DLX4: variants seen among roughly 807,000 people sequenced by gnomAD.
DLX4 encodes distal-less homeobox 4.
Under a neutral mutation model 17.1 loss-of-function variants are expected in DLX4, and 13 were observed. The observed-to-expected ratio is 0.76, with a 90% CI of 0.49 to 1.21. DLX4 has a LOEUF of 1.21. Among genes scored for constraint, DLX4 ranks in the 50% most tolerant of loss-of-function variants. The pLI is 0.00. For missense variants in DLX4, 297 were observed against 301.4 expected (o/e 0.99, Z 0.11); for synonymous variants, 129 against 140.3 (o/e 0.92, Z 0.57).
chr17:49,969,858 C>T, intron 1 of DLX4, 107 bp downstream of exon 1: 3 of 691,558 alleles, frequency 4.3e-6, no homozygotes, highest in Non-Finnish European at 5.7e-6. Context: ...TCAAACCTTC[C>T]TTGGATTCCC....
Position 49,973,155 on chromosome 17 carries a change from C to T in DLX4, c.366C>T (p.Thr122=). ...APAKKLRKPR[T]IYSSLQLQHL... ...CCAAAAAGCTCCGCAAGCCGAGGAC[C>T]ATCTACTCCAGCCTGCAGCTGCAGC... The change falls in exon 2 of 3, where the codon ACC becomes ACT. Residue 122 remains threonine (T), a synonymous_variant. Coordinates refer to ENST00000240306, the MANE Select transcript of DLX4 (RefSeq NM_138281.3). The T allele has an allele frequency of 6.2e-7, 1 of 1,614,216 alleles. No individual in the cohort carries two copies. The highest frequency in any genetic ancestry group is 8.5e-7 in the Non-Finnish European group (1 of 1,180,042).
Position 49,972,984 on chromosome 17 carries a change from C to CT in DLX4, c.284-89_284-88insT. Reference sequence around the variant, plus strand: ...TTTGCTATTTGCTGCCGACGGCATGCAGACGAGATGCAAATAAGCTTATGA... The same window carrying CT: ...TTTGCTATTTGCTGCCGACGGCATGCTAGACGAGATGCAAATAAGCTTATGA... On this transcript the variant is annotated intron_variant, in intron 1 of 2. Transcript: ENST00000240306. This position sits in a 1 kb window ranked among gnomAD's most constrained non-coding sequence, Gnocchi z 5.4. 1 of 1,543,660 alleles carries CT rather than the reference C, an allele frequency of 6.5e-7. No individual in the cohort carries two copies. Among genetic ancestry groups the CT allele is most frequent in the Non-Finnish European group, 8.8e-7 (1 of 1,140,746 alleles).
chr17:49,973,450 A>G (rs1305316706), intron 2 of DLX4, 181 bp downstream of exon 2: 1 of 1,095,840 alleles, frequency 9.1e-7, no homozygotes, highest in African/African-American at 1.6e-5. Context: ...AAAGGTGTGC[A>G]TGTATGTGCG....
chr17:49,970,717 T>A (rs1037153411), intron 1 of DLX4, among the ~76,000 whole-genome samples: 3 of 152,170 alleles, frequency 2.0e-5, no homozygotes, highest in Non-Finnish European at 2.9e-5. Context: ...CCCCTCCTCC[T>A]GCAATTGTCT....
chr17:49,971,500 C>G (rs1905502811), intron 1 of DLX4, among the ~76,000 whole-genome samples: 1 of 152,130 alleles, frequency 6.6e-6, no homozygotes, highest in Non-Finnish European at 1.5e-5. Context: ...GATCGCGACC[C>G]GGGCAGATCT....
rs1050532650 is a variant in DLX4, at chr17:49,974,180, C to T, written c.*237C>T. 11 of 379,408 alleles carry T rather than the reference C, an allele frequency of 2.9e-5. No individual in the cohort carries two copies. Among genetic ancestry groups the T allele is most frequent in the Non-Finnish European group, 3.6e-5 (8 of 219,280 alleles). The allele number at this position is 379,408 out of a possible 1,614,324, so 23.5% of individuals were successfully genotyped here. A position where few individuals can be genotyped will look rare whatever the true frequency, so the allele number is the denominator to read the frequency against. On this transcript the variant is annotated 3_prime_UTR_variant, in exon 3 of 3. Transcript: ENST00000240306. ...CCCCACCACTACCATGGACTGGACACCTTCACTCCAGCTGGACAAAGACTC... is the reference window on the plus strand; with the variant it reads ...CCCCACCACTACCATGGACTGGACATCTTCACTCCAGCTGGACAAAGACTC...
chr17:49,971,557 G>A lies in DLX4; in HGVS notation c.284-1516G>A, dbSNP rs77332298. ...TAGGGAAAGGCAGCTGTCCGGGAAG[G>A]AACTTGGAGGGGGTCTGCTGGGAGA... is the stretch of plus-strand genomic sequence containing the variant. On this transcript the variant is annotated intron_variant, in intron 1 of 2. Coordinates refer to ENST00000240306, the MANE Select transcript of DLX4 (RefSeq NM_138281.3). Among the ~76,000 whole-genome samples, 917 of 152,076 alleles carry A rather than the reference G, an allele frequency of 6.0e-3. 5 individuals are homozygous for A. The highest frequency in any genetic ancestry group is 0.019 in the African/African-American group (788 of 41,490).
chr17:49,974,138 C>T lies in DLX4; in HGVS notation c.*195C>T. On this transcript the variant is annotated 3_prime_UTR_variant, in exon 3 of 3. Coordinates refer to ENST00000240306, the MANE Select transcript of DLX4 (RefSeq NM_138281.3). Reference sequence around the variant, plus strand: ...CTAACAGCTAAATCAAGGACCTCAGCCTTATATAATCATTGTCCCCACCAC... The same window carrying T: ...CTAACAGCTAAATCAAGGACCTCAGTCTTATATAATCATTGTCCCCACCAC... The T allele has an allele frequency of 1.7e-6, 1 of 589,890 alleles. No homozygotes were observed. The highest frequency in any genetic ancestry group is 3.5e-5 in the South Asian group (1 of 28,784). The allele number at this position is 589,890 out of a possible 1,614,324, so 36.5% of individuals were successfully genotyped here.
rs1048145603 is a variant in DLX4, at chr17:49,973,157, T to C, written c.368T>C (p.Ile123Thr). 2.5e-6 allele frequency: 4 copies of C among 1,613,960 alleles called. No homozygotes were observed. Among genetic ancestry groups the C allele is most frequent in the Admixed American group, 3.3e-5 (2 of 59,994 alleles). ...PAKKLRKPRT[I>T]YSSLQLQHLN... ...AAAAAGCTCCGCAAGCCGAGGACCA[T>C]CTACTCCAGCCTGCAGCTGCAGCAC... The change falls in exon 2 of 3, where the codon ATC becomes ACC. Residue 123 changes from isoleucine to threonine, a missense_variant. By Grantham distance (89) the Ile-to-Thr change is moderately conservative. Transcript: ENST00000240306.
At position 49,973,767 on chromosome 17, in the gene DLX4, C is replaced by T; in HGVS notation, c.547C>T (p.Gln183Ter). 6.4e-7 allele frequency: 1 copy of T among 1,560,446 alleles called. No homozygotes were observed. ...GCTCCTGAAGCAGAATTCTGGGGGG[C>T]AGGAAGGGGACTTCCCTGGGAGGAC... ...KKLLKQNSGG[Q>*]EGDFPGRTFS... Residue 183 changes from glutamine to a stop codon, truncating the protein, a stop_gained, in exon 3 of 3, where the codon CAG becomes TAG. Transcript: ENST00000240306. LOFTEE classifies it low-confidence loss of function (END_TRUNC).
In DLX4 at chr17:49,969,371, GC is replaced by G. The variant is rs1421383758; in HGVS notation, c.-95del. ...AAGTGTGGGGGCTGCTGGCTGGGGG[GC>G]CCGTCCGGCCCAACGCCGGAGGCTT... On this transcript the variant is annotated 5_prime_UTR_variant, in exon 1 of 3. Coordinates refer to ENST00000240306, the MANE Select transcript of DLX4 (RefSeq NM_138281.3). The G allele has an allele frequency of 1.5e-6, 2 of 1,359,014 alleles. No homozygotes were observed. Among genetic ancestry groups the G allele is most frequent in the Non-Finnish European group, 2.0e-6 (2 of 1,021,726 alleles). 84.2% of individuals were successfully genotyped at this position (1,359,014 alleles called of 1,614,324 possible).
At chr17:49,971,870 G>A (rs964154843) in intron 1 of DLX4, 1 of 152,382 alleles carries the variant, frequency 6.6e-6, no homozygotes, top group African/African-American at 2.4e-5. Context: ...GGGAGGTGAC[G>A]GCAGCTGGTG....
chr17:49,973,492 T>G (rs753166489), intron 2 of DLX4: 1 of 950,982 alleles, frequency 1.1e-6, no homozygotes, highest in Admixed American at 2.3e-5. Context: ...AAGAGGAGGG[T>G]AGGTCAGACA....
Position 49,972,925 on chromosome 17 carries a change from A to C in DLX4, c.284-148A>C. The C allele has an allele frequency of 6.8e-7, 1 of 1,473,060 alleles. No individual in the cohort carries two copies. The allele number at this position is 1,473,060 out of a possible 1,614,324, so 91.2% of individuals were successfully genotyped here. On this transcript the variant is annotated intron_variant, in intron 1 of 2. Transcript: ENST00000240306. The surrounding 1 kb of genome is among the most constrained non-coding windows in gnomAD (Gnocchi z 5.4). ...ACGCTCCACGCGGAAGGTAGAGGGC[A>C]GGGGCCAAGGGGGCGATCCTGGTGG...
chr17:49,969,668 A>G lies in DLX4; in HGVS notation c.200A>G (p.Asp67Gly), dbSNP rs757238620. Residue 67 changes from aspartate to glycine, a missense_variant, in exon 1 of 3, where the codon GAC (aspartate) becomes GGC (glycine). Asp to Gly is a moderately conservative substitution (Grantham distance 94). Coordinates refer to ENST00000240306, the MANE Select transcript of DLX4 (RefSeq NM_138281.3). Reference protein sequence around the residue: ...YPYTEPANPGDSYLSCQQPAA... With the variant: ...YPYTEPANPGGSYLSCQQPAA... The stretch of plus-strand genomic sequence containing the variant: ...TACACCGAGCCAGCGAACCCCGGAG[A>G]CTCCTACCTGTCCTGCCAGCAACCC... 1.2e-6 allele frequency: 2 copies of G among 1,606,940 alleles called. No individual in the cohort carries two copies. Among genetic ancestry groups the G allele is most frequent in the Non-Finnish European group, 1.7e-6 (2 of 1,179,376 alleles).
chr17:49,972,637 C>T lies in DLX4; in HGVS notation c.284-436C>T. ...CACCGTCTCAAGCCTCTGAGCATTG[C>T]TCTGAGCCTCTGCCTGCAATGTCCT... On this transcript the variant is annotated intron_variant, in intron 1 of 2. Transcript: ENST00000240306. The surrounding 1 kb of genome is among the most constrained non-coding windows in gnomAD (Gnocchi z 5.4). 1 of 873,390 alleles carries T rather than the reference C, an allele frequency of 1.1e-6. No individual in the cohort carries two copies. The highest frequency in any genetic ancestry group is 1.4e-6 in the Non-Finnish European group (1 of 695,444). The allele number at this position is 873,390 out of a possible 1,614,324, so 54.1% of individuals were successfully genotyped here. A position where few individuals can be genotyped will look rare whatever the true frequency, so the allele number is the denominator to read the frequency against.
rs374194687 is a variant in DLX4 at position 49,973,276 on chromosome 17, C to T, written c.480+7C>T. 149 of 1,612,926 alleles carry T rather than the reference C, an allele frequency of 9.2e-5. No homozygotes were observed. The highest frequency in any genetic ancestry group is 1.5e-4 in the Admixed American group (9 of 59,960). On this transcript the variant is annotated splice_region_variant and intron_variant, in intron 2 of 2. Transcript: ENST00000240306. The stretch of plus-strand genomic sequence containing the variant: ...CGGCCTCACCCAGACCCAGGTGGGG[C>T]CAGTGTCGTCCTTCCCCATCTCTCA...
chr17:49,972,097 TCC>T lies in DLX4; in HGVS notation c.284-973_284-972del, dbSNP rs1015885561. On this transcript the variant is annotated intron_variant, in intron 1 of 2. Coordinates refer to ENST00000240306, the MANE Select transcript of DLX4 (RefSeq NM_138281.3). The surrounding 1 kb of genome is among the most constrained non-coding windows in gnomAD (Gnocchi z 5.4). ...CCCATTGCCTGGGACCTCTGCAGCG[TCC>T]CCGTAGAGCCGCGCAGGTTAGGGTG... 6.6e-6 allele frequency: 1 copy of T among 152,200 alleles called. No homozygotes were observed. Among genetic ancestry groups the T allele is most frequent in the Non-Finnish European group, 1.5e-5 (1 of 68,096 alleles). The allele number at this position is 152,200 out of a possible 1,614,324, so 9.4% of individuals were successfully genotyped here.
At chr17:49,970,168 A>T (rs1905456248) in intron 1 of DLX4, among the ~76,000 whole-genome samples, 1 of 151,962 alleles carries the variant, frequency 6.6e-6, no homozygotes. Flanking sequence ...TCTCTGCGTT[A>T]GTCTTGTCTC....
Sources: gnomAD v4.1 joint callset for allele counts (sites outside exome capture counted in the v4.1 genomes callset) on GRCh38, gnomAD v4.1.1 for gene constraint, Gnocchi (gnomAD v3.1) non-coding constraint, MANE v1.5 for transcripts, NCBI Gene and HGNC (gene_info 2026-07-23, HGNC 2026-07-21) for gene names.